GUCY1A1: variants seen among roughly 807,000 people sequenced by gnomAD.
GUCY1A1 encodes guanylate cyclase soluble subunit alpha-1.
A neutral mutation model predicts 64.5 loss-of-function variants in GUCY1A1; 48 were observed. That is an observed-to-expected ratio of 0.74 (90% CI 0.59 to 0.95). The LOEUF (loss-of-function observed/expected upper bound fraction) is 0.95. GUCY1A1 is among the 40% of genes least tolerant of loss of function. The pLI is 0.00. For missense variants in GUCY1A1, 804 were observed against 825.3 expected, an observed-to-expected ratio of 0.97 and a Z score of 0.32; for synonymous variants, 308 against 303.4, an observed-to-expected ratio of 1.02 and a Z score of -0.16.
rs1417243739 is a variant in GUCY1A1 at position 155,730,170 on chromosome 4, A to T, written c.2012A>T (p.Gln671Leu). ...QQGTNSKPCF[Q>L]KKDVEDGNAN... ...GGAACAAACTCAAAACCATGCTTCC[A>T]AAAGAAAGATGTGGAAGATGGCAAT... Residue 671 changes from glutamine (Q) to leucine (L), a missense_variant, in exon 10 of 10, where the codon CAA becomes CTA. Transcript: ENST00000506455. 23 of 1,611,730 alleles carry T rather than the reference A, an allele frequency of 1.4e-5. No homozygotes were observed. The highest frequency in any genetic ancestry group is 1.9e-5 in the Non-Finnish European group (22 of 1,178,442).
chr4:155,726,510 A>G (rs897218793), intron 9 of GUCY1A1, among the ~76,000 whole-genome samples: 1 of 152,010 alleles, frequency 6.6e-6, no homozygotes, highest in African/African-American at 2.4e-5. Context: ...AGCTTTATTG[A>G]TGATACATTA....
intron 8 of GUCY1A1, among the ~76,000 whole-genome samples, chr4:155,717,866 C>T (rs1253232804): frequency 6.6e-6 from 1 of 152,186 alleles, no homozygotes; most frequent in African/African-American, 2.4e-5. Flanking sequence ...CCTGCCGAAT[C>T]TCATGCAACT....
rs1044504578 is a variant in GUCY1A1 at position 155,732,061 on chromosome 4, G to A, written c.*1830G>A. On this transcript the variant is annotated 3_prime_UTR_variant, in exon 10 of 10. Coordinates refer to ENST00000506455, the MANE Select transcript of GUCY1A1 (RefSeq NM_001130682.3). ...TTTCTGGAACCGAACTCTTATTATG[G>A]GGAAATAATAGAAATAAAGAAAATG... The A allele has an allele frequency of 2.0e-5, 3 of 151,618 alleles. No homozygotes were observed. The Admixed American group carries it at 2.0e-4, about 10-fold the overall frequency. The allele number at this position is 151,618 out of a possible 1,614,324, so 9.4% of individuals were successfully genotyped here. A position where few individuals can be genotyped will look rare whatever the true frequency, so the allele number is the denominator to read the frequency against.
At position 155,696,904 on chromosome 4, in the gene GUCY1A1, GGA is replaced by G; in HGVS notation, c.41_42del (p.Glu14ValfsTer13). The stretch of plus-strand genomic sequence containing the variant: ...GAAGCTCAAGGATCTCAAGATCACA[GGA>G]GAGTGTCCTTTCTCCTTACTGGCAC... ...CTKLKDLKIT[G>X]ECPFSLLAPG... On this transcript the variant is annotated frameshift_variant, in exon 3 of 10. Coordinates refer to ENST00000506455, the MANE Select transcript of GUCY1A1 (RefSeq NM_001130682.3). LOFTEE classifies it high-confidence loss of function. 6.2e-7 allele frequency: 1 copy of G among 1,613,506 alleles called. No homozygotes were observed. Among genetic ancestry groups the G allele is most frequent in the Non-Finnish European group, 8.5e-7 (1 of 1,179,494 alleles).
chr4:155,684,280 A>G (rs547161190), intron 2 of GUCY1A1, among the ~76,000 whole-genome samples: 32 of 152,222 alleles, frequency 2.1e-4, no homozygotes, highest in Non-Finnish European at 4.1e-4. Flanking sequence ...GCATCCAAAT[A>G]TATACCTGCA....
intron 2 of GUCY1A1, among the ~76,000 whole-genome samples, chr4:155,692,691 G>C (rs1729905612): frequency 6.6e-6 from 1 of 152,060 alleles, no homozygotes; most frequent in East Asian, 1.9e-4. Flanking sequence ...TGTGGTAAGG[G>C]GTGTTTTCCT....
rs911697740 is a variant in GUCY1A1 at position 155,736,041 on chromosome 4, T to C, written c.*5810T>C. ...TACTATTCCTTCACCTCCTTGCACA[T>C]GTAAATTAAAGATGTTTTGGAAAAT... On this transcript the variant is annotated 3_prime_UTR_variant, in exon 10 of 10. Coordinates refer to ENST00000506455, the MANE Select transcript of GUCY1A1 (RefSeq NM_001130682.3). 5.9e-5 allele frequency: 9 copies of C among 152,082 alleles called. No individual in the cohort carries two copies. The highest frequency in any genetic ancestry group is 2.2e-4 in the African/African-American group (9 of 41,530). 9.4% of individuals were successfully genotyped at this position (152,082 alleles called of 1,614,324 possible).
chr4:155,694,356 A>G (rs1730152573), intron 2 of GUCY1A1, among the ~76,000 whole-genome samples: 1 of 152,156 alleles, frequency 6.6e-6, no homozygotes, highest in African/African-American at 2.4e-5. Flanking sequence ...CAGCCTGGGT[A>G]ACATAGTGAG....
intron 7 of GUCY1A1, 102 bp downstream of exon 7, chr4:155,713,685 T>G: frequency 1.6e-6 from 2 of 1,267,174 alleles, no homozygotes; most frequent in Non-Finnish European, 2.2e-6. Context: ...AGGCCACCTC[T>G]GTAGGGTCTT....
At chr4:155,706,577 G>T (rs545037971) in intron 4 of GUCY1A1, among the ~76,000 whole-genome samples, 6 of 150,900 alleles carry the variant, frequency 4.0e-5, no homozygotes, top group Non-Finnish European at 8.8e-5. Flanking sequence ...CCTCAGGATT[G>T]GTTGCCCAGA....
intron 9 of GUCY1A1, among the ~76,000 whole-genome samples, chr4:155,726,947 G>A (rs1734769072): frequency 6.6e-6 from 1 of 151,906 alleles, no homozygotes; most frequent in South Asian, 2.1e-4. Flanking sequence ...ATGGCAAGTG[G>A]GGAGGATACA....
chr4:155,670,384 G>A (rs1484869471), intron 2 of GUCY1A1, among the ~76,000 whole-genome samples: 1 of 152,150 alleles, frequency 6.6e-6, no homozygotes, highest in Non-Finnish European at 1.5e-5. Flanking sequence ...TCAATGTTTA[G>A]TTACTAGTTG....
intron 8 of GUCY1A1, among the ~76,000 whole-genome samples, 176 bp downstream of exon 8, chr4:155,717,478 T>C (rs752069053): frequency 1.2e-4 from 18 of 152,112 alleles, no homozygotes; most frequent in Non-Finnish European, 2.2e-4. Context: ...TATTATAGGG[T>C]ATTAAATGGC....
chr4:155,719,401 C>T (rs1187256415), intron 8 of GUCY1A1, among the ~76,000 whole-genome samples: 3 of 152,016 alleles, frequency 2.0e-5, no homozygotes, highest in Non-Finnish European at 4.4e-5. Context: ...AACATCGTCT[C>T]ATTTAATCCT....
chr4:155,723,685 C>T lies in GUCY1A1; in HGVS notation c.1871+1493C>T, dbSNP rs72972449. ...ATTTATTTATTTATATTTTTTGAGACTAAGTCTTGCTCTATGGCCCAGGTT... is the reference window on the plus strand; with the variant it reads ...ATTTATTTATTTATATTTTTTGAGATTAAGTCTTGCTCTATGGCCCAGGTT... On this transcript the variant is annotated intron_variant, in intron 9 of 9. Transcript: ENST00000506455. Among the ~76,000 whole-genome samples, 776 of 150,496 alleles carry T rather than the reference C, an allele frequency of 5.2e-3. 5 individuals carry two copies. The highest frequency in any genetic ancestry group is 0.018 in the African/African-American group (753 of 40,946).
At chr4:155,674,369 G>C (rs1734597200) in intron 2 of GUCY1A1, among the ~76,000 whole-genome samples, 1 of 149,228 alleles carries the variant, frequency 6.7e-6, no homozygotes, top group African/African-American at 2.5e-5. Context: ...AAAAAAGAAA[G>C]AAAGAAAGAA....
rs2126874151 is a variant in GUCY1A1, at chr4:155,713,151, G to GT, written c.1145dup (p.Leu382PhefsTer56). On this transcript the variant is annotated frameshift_variant, in exon 7 of 10. Coordinates refer to ENST00000506455, the MANE Select transcript of GUCY1A1 (RefSeq NM_001130682.3). LOFTEE classifies it high-confidence loss of function. ...ACATTGTTGAATCCAGTGCAATCTT[G>GT]TTTTTGGGGTCACCCTGTGTGGACA... is the stretch of plus-strand genomic sequence containing the variant. The GT allele has an allele frequency of 6.2e-7, 1 of 1,613,636 alleles. No individual in the cohort carries two copies. Among genetic ancestry groups the GT allele is most frequent in the Non-Finnish European group, 8.5e-7 (1 of 1,179,594 alleles).
Position 155,729,990 on chromosome 4 carries a change from G to T in GUCY1A1, c.1872-40G>T, listed in dbSNP as rs200539449. The T allele has an allele frequency of 2.0e-5, 25 of 1,239,936 alleles. No individual in the cohort carries two copies. In the African/African-American group the frequency reaches 3.0e-4, roughly 15 times the overall value. 76.8% of individuals were successfully genotyped at this position (1,239,936 alleles called of 1,614,324 possible). ...TTATGTTGTGTTCTTTTTTTGAGTG[G>T]ACAAACATTTATGTCAGTATTATAT... On this transcript the variant is annotated intron_variant, in intron 9 of 9. Transcript: ENST00000506455.
intron 9 of GUCY1A1, among the ~76,000 whole-genome samples, chr4:155,723,604 G>A (rs1010711808): frequency 2.0e-5 from 3 of 151,304 alleles, no homozygotes; most frequent in Non-Finnish European, 4.4e-5. Flanking sequence ...CTCTTTAATA[G>A]CATCTTCTCC....
Sources: allele counts gnomAD v4.1 joint callset (sites outside exome capture counted in the v4.1 genomes callset), GRCh38; gene constraint gnomAD v4.1.1; transcripts MANE v1.5; gene names NCBI Gene and HGNC (gene_info 2026-07-23, HGNC 2026-07-21).